UCMA: variants seen among roughly 807,000 people sequenced by gnomAD.
UCMA encodes the protein upper zone of growth plate and cartilage matrix associated, also known as upper zone of growth plate and cartilage matrix-associated protein.
In UCMA, 21 loss-of-function variants were observed where a neutral mutation model predicts 21.8. The observed-to-expected ratio is 0.97, with a 90% CI of 0.68 to 1.39. The LOEUF is 1.39. Ranked by LOEUF, UCMA falls within the 40% of genes most tolerant of loss-of-function variation. The pLI is 0.00. For missense variants in UCMA, 193 were observed against 178.9 expected, an observed-to-expected ratio of 1.08 and a Z score of -0.45; for synonymous variants, 76 against 67.9, an observed-to-expected ratio of 1.12 and a Z score of -0.58.
rs376181751 is a variant in UCMA at position 13,234,186 on chromosome 10, C to T, written c.58+15G>A. ...ATGTAACTAACACCCTCCACCTTGACCCTCCTGTACTCACTAGACAGGAGC... is the reference window on the plus strand; with the variant it reads ...ATGTAACTAACACCCTCCACCTTGATCCTCCTGTACTCACTAGACAGGAGC... On this transcript the variant is annotated intron_variant, in intron 1 of 4. Transcript: ENST00000378681. 4 of 1,608,210 alleles carry T rather than the reference C, an allele frequency of 2.5e-6. No individual in the cohort carries two copies. The highest frequency in any genetic ancestry group is 3.4e-6 in the Non-Finnish European group (4 of 1,177,836).
At chr10:13,224,158 C>T (rs963203536) in intron 4 of UCMA, among the ~76,000 whole-genome samples, 1 of 152,036 alleles carries the variant, frequency 6.6e-6, no homozygotes, top group African/African-American at 2.4e-5. Context: ...GACATCGTCT[C>T]TACAAAAAAT....
chr10:13,234,292 C>A lies in UCMA; in HGVS notation c.-34G>T. 3 of 1,610,046 alleles carry A rather than the reference C, an allele frequency of 1.9e-6. No homozygotes were observed. Among genetic ancestry groups the A allele is most frequent in the Non-Finnish European group, 2.5e-6 (3 of 1,178,572 alleles). Reference sequence around the variant, plus strand: ...AGGTAGGGGCTCCGTCCAGGACCCACAAGGCAGACCAGGCGTCCTGCACCC... The same window carrying A: ...AGGTAGGGGCTCCGTCCAGGACCCAAAAGGCAGACCAGGCGTCCTGCACCC... On this transcript the variant is annotated 5_prime_UTR_variant, in exon 1 of 5. Transcript: ENST00000378681.
At position 13,229,645 on chromosome 10, in the gene UCMA, A is replaced by G. The variant is rs760958464; in HGVS notation, c.285T>C (p.Asn95=). 6.2e-7 allele frequency: 1 copy of G among 1,614,158 alleles called. No homozygotes were observed. The highest frequency in any genetic ancestry group is 8.5e-7 in the Non-Finnish European group (1 of 1,180,030). The part of the protein sequence containing the change: ...LRREYYEEQR[N]EFENFVEEQN... ...GTTCCTCCACGAAGTTCTCAAATTCATTCCTTTGTTCCTCGTAATATTCTC... is the reference window on the plus strand; with the variant it reads ...GTTCCTCCACGAAGTTCTCAAATTCGTTCCTTTGTTCCTCGTAATATTCTC... The change falls in exon 4 of 5, where the codon AAT becomes AAC. Residue 95 remains asparagine (N), a synonymous_variant. Transcript: ENST00000378681.
Position 13,221,957 on chromosome 10 carries a change from G to A in UCMA, c.*146C>T, listed in dbSNP as rs925880038. 4 of 728,056 alleles carry A rather than the reference G, an allele frequency of 5.5e-6. No individual in the cohort carries two copies. In the East Asian group the frequency reaches 1.0e-4, roughly 19 times the overall value. 45.1% of individuals were successfully genotyped at this position (728,056 alleles called of 1,614,324 possible). ...ACACTTTCACACACTGGAAGGAAAG[G>A]CATGCGTCTTTTCAAGAGCTGCTGG... On this transcript the variant is annotated 3_prime_UTR_variant, in exon 5 of 5. Transcript: ENST00000378681.
chr10:13,226,045 A>T (rs1214531539), intron 4 of UCMA, among the ~76,000 whole-genome samples: 2 of 151,950 alleles, frequency 1.3e-5, no homozygotes, highest in Non-Finnish European at 2.9e-5. Flanking sequence ...GCTCTCCAAG[A>T]CCTCTATGCA....
intron 3 of UCMA, 111 bp from the exon 4 acceptor site, chr10:13,229,820 G>T (rs1306372605): frequency 3.7e-6 from 3 of 809,694 alleles, no homozygotes; most frequent in African/African-American, 3.4e-5. Flanking sequence ...GGGATGAGTG[G>T]TTTGTGGGGG....
At chr10:13,224,139 C>T (rs1834794213) in intron 4 of UCMA, among the ~76,000 whole-genome samples, 4 of 152,132 alleles carry the variant, frequency 2.6e-5, no homozygotes, top group East Asian at 1.9e-4. Context: ...GCCTGAGCAG[C>T]GTTAGCAAGA....
chr10:13,231,925 G>T (rs936951692), intron 3 of UCMA, among the ~76,000 whole-genome samples: 1 of 152,132 alleles, frequency 6.6e-6, no homozygotes, highest in Admixed American at 6.6e-5. Flanking sequence ...CTATCCACAG[G>T]AGTTGACTGG....
chr10:13,224,128 A>G (rs903193874), intron 4 of UCMA, among the ~76,000 whole-genome samples: 1 of 152,194 alleles, frequency 6.6e-6, no homozygotes, highest in Non-Finnish European at 1.5e-5. Context: ...GTTTGAGACC[A>G]GCCTGAGCAG....
At position 13,222,031 on chromosome 10, in the gene UCMA, G is replaced by T; in HGVS notation, c.*72C>A. 1 of 1,556,318 alleles carries T rather than the reference G, an allele frequency of 6.4e-7. No individual in the cohort carries two copies. On this transcript the variant is annotated 3_prime_UTR_variant, in exon 5 of 5. Coordinates refer to ENST00000378681, the MANE Select transcript of UCMA (RefSeq NM_145314.3). The stretch of plus-strand genomic sequence containing the variant: ...CCCTCTGAAGGGCCGGTTTGCATGG[G>T]AAAGATTGCTGGAACACGGGGATGC...
chr10:13,227,388 G>A (rs972298214), intron 4 of UCMA, among the ~76,000 whole-genome samples: 6 of 152,192 alleles, frequency 3.9e-5, no homozygotes, highest in African/African-American at 1.2e-4. Flanking sequence ...ATTTTCCTCA[G>A]GAGCATTACA....
intron 3 of UCMA, 48 bp from the exon 4 acceptor site, chr10:13,229,757 T>C: frequency 1.3e-6 from 2 of 1,519,114 alleles, no homozygotes; most frequent in Non-Finnish European, 1.8e-6. Context: ...ATGAGGACAC[T>C]TAGGGGCACA....
intron 3 of UCMA, among the ~76,000 whole-genome samples, chr10:13,232,513 T>C (rs180820994): frequency 2.6e-5 from 4 of 152,174 alleles, no homozygotes; most frequent in Non-Finnish European, 5.9e-5. Context: ...AACCTTTCAG[T>C]GCTTCTTGAC....
At chr10:13,233,480 G>C in intron 3 of UCMA, 58 bp downstream of exon 3, 2 of 1,377,928 alleles carry the variant, frequency 1.5e-6, no homozygotes, top group South Asian at 1.2e-5. Flanking sequence ...AGGAGGAGCC[G>C]GGGGGTGTGA....
At chr10:13,233,093 T>C (rs558597431) in intron 3 of UCMA, among the ~76,000 whole-genome samples, 1 of 152,212 alleles carries the variant, frequency 6.6e-6, no homozygotes, top group African/African-American at 2.4e-5. Context: ...TCCTGTGCCT[T>C]CCCCATGTGC....
intron 4 of UCMA, among the ~76,000 whole-genome samples, chr10:13,225,949 T>C (rs1012235425): frequency 2.0e-5 from 3 of 152,136 alleles, no homozygotes; most frequent in African/African-American, 4.8e-5. Context: ...CCTGCCTTGA[T>C]GGAGCTCTGG....
intron 4 of UCMA, among the ~76,000 whole-genome samples, chr10:13,228,388 T>C (rs1834852121): frequency 6.6e-6 from 1 of 152,140 alleles, no homozygotes; most frequent in Non-Finnish European, 1.5e-5. Flanking sequence ...AGACCAAGGC[T>C]TAGAGAAGAG....
chr10:13,232,735 G>A (rs1480121491), intron 3 of UCMA, among the ~76,000 whole-genome samples: 1 of 152,078 alleles, frequency 6.6e-6, no homozygotes, highest in Non-Finnish European at 1.5e-5. Context: ...TCACCCACAG[G>A]CACGAGGAGG....
chr10:13,222,435 G>A (rs1834770271), intron 4 of UCMA, among the ~76,000 whole-genome samples: 1 of 152,200 alleles, frequency 6.6e-6, no homozygotes, highest in Non-Finnish European at 1.5e-5. Context: ...CCAGGGCCGG[G>A]CATCTCAGGC....
Sources: allele counts gnomAD v4.1 joint callset (sites outside exome capture counted in the v4.1 genomes callset), GRCh38; gene constraint gnomAD v4.1.1; transcripts MANE v1.5; gene names NCBI Gene and HGNC (gene_info 2026-07-23, HGNC 2026-07-21).